The following DNAJC6 variants were observed in gnomAD, a reference collection of about 807,000 sequenced individuals.
DNAJC6 encodes auxilin.
In DNAJC6, 34 loss-of-function variants were observed where a neutral mutation model predicts 110.0. The ratio of observed to expected loss-of-function variants is 0.31; its 90% CI spans 0.24 to 0.41. The LOEUF (loss-of-function observed/expected upper bound fraction) is 0.41. Ranked by LOEUF, DNAJC6 falls within the 10% of genes least tolerant of loss-of-function variation. The pLI, the probability that DNAJC6 is intolerant of heterozygous loss-of-function variation, is 1.00. For synonymous variants in DNAJC6, 406 were observed against 437.2 expected (o/e 0.93, Z 0.89); for missense variants, 1,031 against 1,207.8 (o/e 0.85, Z 2.17).
intron 1 of DNAJC6, among the ~76,000 whole-genome samples, chr1:65,311,816 A>G (rs1645104601): frequency 6.6e-6 from 1 of 152,194 alleles, no homozygotes. Context: ...TTATTTTAAG[A>G]GTTGAAATTG....
At chr1:65,277,731 G>A (rs752258654) in intron 1 of DNAJC6, among the ~76,000 whole-genome samples, 16 of 152,176 alleles carry the variant, frequency 1.1e-4, no homozygotes, top group Admixed American at 7.2e-4. Context: ...TGGTGCCCTC[G>A]CGGGCAGAAC....
intron 5 of DNAJC6, among the ~76,000 whole-genome samples, chr1:65,381,017 C>T (rs920656736): frequency 4.2e-5 from 6 of 141,650 alleles, no homozygotes; most frequent in African/African-American, 1.3e-4. Context: ...CTCCCAGGTT[C>T]GAGTGATTCT....
intron 1 of DNAJC6, among the ~76,000 whole-genome samples, chr1:65,265,166 ACC>A (rs368398806): frequency 7.6e-4 from 116 of 152,246 alleles, no homozygotes; most frequent in African/African-American, 2.5e-3. Flanking sequence ...CCTAAATATA[ACC>A]CTATTTTTGC....
At chr1:65,302,030 C>T (rs1644984243) in intron 1 of DNAJC6, among the ~76,000 whole-genome samples, 1 of 145,790 alleles carries the variant, frequency 6.9e-6, no homozygotes, top group South Asian at 2.2e-4. Flanking sequence ...TTTACTATGT[C>T]GAGGGCTATG....
At chr1:65,317,771 AC>A (rs1159581179) in intron 1 of DNAJC6, among the ~76,000 whole-genome samples, 1 of 152,246 alleles carries the variant, frequency 6.6e-6, no homozygotes. Flanking sequence ...GAGATATTTG[AC>A]AAAAGTCAGG....
intron 1 of DNAJC6, among the ~76,000 whole-genome samples, chr1:65,302,762 C>A (rs1486992207): frequency 6.6e-6 from 1 of 151,520 alleles, no homozygotes; most frequent in Non-Finnish European, 1.5e-5. Context: ...GTCTCGATCT[C>A]CTGACCTCAT....
intron 1 of DNAJC6, among the ~76,000 whole-genome samples, chr1:65,342,870 C>T (rs1645402133): frequency 6.6e-6 from 1 of 152,154 alleles, no homozygotes; most frequent in Non-Finnish European, 1.5e-5. Flanking sequence ...AGATGGCTTA[C>T]CCTGGTAAGT....
intron 1 of DNAJC6, among the ~76,000 whole-genome samples, chr1:65,277,789 G>A (rs1653719881): frequency 6.6e-6 from 1 of 152,176 alleles, no homozygotes; most frequent in South Asian, 2.1e-4. Flanking sequence ...AAGTGGGAGT[G>A]AGTTTCATCA....
rs111437523 is a variant in DNAJC6, at chr1:65,310,115, G to A, written c.193+177G>A. Among the ~76,000 whole-genome samples the A allele has an allele frequency of 0.059, 8,988 of 151,554 alleles. 871 individuals carry two copies. The highest frequency in any genetic ancestry group is 0.21 in the African/African-American group (8,416 of 41,012). Reference sequence around the variant, plus strand: ...GAGTCTCTAATTTCTCTCATCCAGGGAGCTACGAAACGTTAGATCAGTCCT... The same window carrying A: ...GAGTCTCTAATTTCTCTCATCCAGGAAGCTACGAAACGTTAGATCAGTCCT... On this transcript the variant is annotated intron_variant, in intron 1 of 18. Transcript: ENST00000371069.
At chr1:65,289,869 G>A (rs146793843) in intron 1 of DNAJC6, among the ~76,000 whole-genome samples, 1 of 151,624 alleles carries the variant, frequency 6.6e-6, no homozygotes, top group Non-Finnish European at 1.5e-5. Flanking sequence ...AGATGCAGTG[G>A]CATGATCTGG....
intron 13 of DNAJC6, among the ~76,000 whole-genome samples, chr1:65,396,230 T>C (rs1645975794): frequency 6.6e-6 from 1 of 151,960 alleles, no homozygotes; most frequent in South Asian, 2.1e-4. Context: ...CTTGAGAGAG[T>C]CTCCTGATTG....
At chr1:65,389,678 T>C (rs1463224075) in intron 11 of DNAJC6, 51 bp downstream of exon 11, 4 of 1,591,900 alleles carry the variant, frequency 2.5e-6, no homozygotes, top group Non-Finnish European at 3.4e-6. Flanking sequence ...TATGTATTTC[T>C]TCTGTAAAGA....
intron 17 of DNAJC6, 150 bp from the exon 18 acceptor site, chr1:65,411,100 C>T (rs1646124567): frequency 3.2e-6 from 2 of 620,484 alleles, no homozygotes; most frequent in Non-Finnish European, 5.2e-6. Flanking sequence ...GGAGGAGAAG[C>T]ATTCCAGGTA....
intron 5 of DNAJC6, among the ~76,000 whole-genome samples, chr1:65,380,911 G>GTTTGTTTTTTTTT (rs1645812062): frequency 8.7e-6 from 1 of 114,918 alleles, no homozygotes; most frequent in African/African-American, 4.3e-5. Context: ...TTTGTTTTTT[G>GTTTGTTTTTTTTT]TTTTGTTTTG....
intron 4 of DNAJC6, 127 bp from the exon 5 acceptor site, chr1:65,379,275 C>T (rs542379259): frequency 8.6e-7 from 1 of 1,161,522 alleles, no homozygotes. Context: ...GACCCTGTTC[C>T]CACTATTCCT....
At chr1:65,296,223 G>A (rs1413143922) in intron 1 of DNAJC6, among the ~76,000 whole-genome samples, 1 of 152,174 alleles carries the variant, frequency 6.6e-6, no homozygotes, top group Non-Finnish European at 1.5e-5. Flanking sequence ...AAGTCTTTCA[G>A]AAAAATGGTC....
In DNAJC6 at chr1:65,392,567, C is replaced by T. The variant is rs1645938480; in HGVS notation, c.1605C>T (p.Val535=). ...GNANGDKPHG[V]KKPSKKQQEP... ...CCAATGGTGACAAGCCTCATGGAGT[C>T]AAGAAGCCCAGCAAAAAGCAGCAGG... The change falls in exon 12 of 19, where the codon GTC becomes GTT. Residue 535 remains valine (V), a synonymous_variant. Transcript: ENST00000371069. 1 of 1,614,092 alleles carries T rather than the reference C, an allele frequency of 6.2e-7. No individual in the cohort carries two copies. The highest frequency in any genetic ancestry group is 1.3e-5 in the African/African-American group (1 of 75,038).
intron 4 of DNAJC6, among the ~76,000 whole-genome samples, chr1:65,371,172 A>G (rs1220602697): frequency 2.6e-5 from 4 of 152,238 alleles, no homozygotes; most frequent in African/African-American, 9.6e-5. Context: ...CAGTCATCAG[A>G]CAATGTAGTA....
chr1:65,347,909 T>C (rs954071261), intron 1 of DNAJC6, among the ~76,000 whole-genome samples: 1 of 152,212 alleles, frequency 6.6e-6, no homozygotes, highest in Admixed American at 6.5e-5. Context: ...TTTTCTCAAG[T>C]AATTGAGCTC....
Sources: gnomAD v4.1 joint callset for allele counts (sites outside exome capture counted in the v4.1 genomes callset) on GRCh38, gnomAD v4.1.1 for gene constraint, MANE v1.5 for transcripts, NCBI Gene and HGNC (gene_info 2026-07-23, HGNC 2026-07-21) for gene names.